Variants in SMG6 observed in about 807,000 individuals in gnomAD.
SMG6 encodes the protein telomerase-binding protein EST1A.
In SMG6, 66 loss-of-function variants were observed where a neutral mutation model predicts 142.2. That is an observed-to-expected ratio of 0.46 (90% CI 0.38 to 0.57). The LOEUF (loss-of-function observed/expected upper bound fraction) is 0.57, where lower values mean the gene tolerates loss of function less well. Among genes scored for constraint, SMG6 ranks in the 20% least tolerant of loss-of-function variants. SMG6 has a pLI of 0.00. For synonymous variants in SMG6, 779 were observed against 702.4 expected, an observed-to-expected ratio of 1.11 and a Z score of -1.72; for missense variants, 1,793 against 1,832.0, an observed-to-expected ratio of 0.98 and a Z score of 0.39.
chr17:2,255,367 G>C (rs1347631276), intron 8 of SMG6, among the ~76,000 whole-genome samples: 16 of 122,314 alleles, frequency 1.3e-4, no homozygotes, highest in Non-Finnish European at 1.3e-4. Context: ...TCGCGCCACT[G>C]CACTCCAGCC....
At chr17:2,120,852 T>TG (rs2069666736) in intron 13 of SMG6, among the ~76,000 whole-genome samples, 1 of 152,156 alleles carries the variant, frequency 6.6e-6, no homozygotes, top group Non-Finnish European at 1.5e-5. Flanking sequence ...TCATAATTGT[T>TG]GGAGTCTAAC....
At chr17:2,064,165 C>T (rs761682804) in intron 18 of SMG6, among the ~76,000 whole-genome samples, 6 of 152,028 alleles carry the variant, frequency 3.9e-5, no homozygotes, top group Non-Finnish European at 7.4e-5. Context: ...GCAGCAGAGA[C>T]GGAAAGGCAA....
Position 2,228,231 on chromosome 17 carries a change from C to CT in SMG6, c.2869+8260dup, listed in dbSNP as rs368168145. ...GGCATATGCCACTGCGCCCAGCTAACTTTTTTTTTTTGAGACGGAGCCTCA... is the reference window on the plus strand; with the variant it reads ...GGCATATGCCACTGCGCCCAGCTAACTTTTTTTTTTTTGAGACGGAGCCTCA... On this transcript the variant is annotated intron_variant, in intron 10 of 18. Transcript: ENST00000263073. Among the ~76,000 whole-genome samples the CT allele has an allele frequency of 7.9e-3, 1,159 of 146,500 alleles. 24 individuals carry two copies. Among genetic ancestry groups the CT allele is most frequent in the African/African-American group, 0.027 (1,079 of 40,180 alleles).
chr17:2,236,694 C>T (rs2073665143), intron 9 of SMG6, 57 bp from the exon 10 acceptor site: 1 of 1,531,708 alleles, frequency 6.5e-7, no homozygotes, highest in Admixed American at 1.8e-5. Context: ...CTCTCTCTCA[C>T]TCTGTCTCAC....
chr17:2,108,312 G>A (rs2069209762), intron 13 of SMG6, among the ~76,000 whole-genome samples: 1 of 152,138 alleles, frequency 6.6e-6, no homozygotes, highest in African/African-American at 2.4e-5. Context: ...AACACATATT[G>A]AAACTTTCAT....
At chr17:2,169,554 G>A (rs376571452) in intron 13 of SMG6, among the ~76,000 whole-genome samples, 7 of 152,162 alleles carry the variant, frequency 4.6e-5, no homozygotes, top group Non-Finnish European at 8.8e-5. Context: ...GCACACAGCC[G>A]AGTACAGAGT....
At chr17:2,275,810 G>A (rs1464981144) in intron 8 of SMG6, among the ~76,000 whole-genome samples, 1 of 152,160 alleles carries the variant, frequency 6.6e-6, no homozygotes, top group Non-Finnish European at 1.5e-5. Context: ...ATCTCAATAG[G>A]ATGCTACTTG....
At chr17:2,180,476 G>A (rs1281354173) in intron 12 of SMG6, among the ~76,000 whole-genome samples, 1 of 152,134 alleles carries the variant, frequency 6.6e-6, no homozygotes, top group Admixed American at 6.5e-5. Context: ...GTGCCACAGC[G>A]AGGGAAGGCA....
chr17:2,193,899 T>A (rs1236569667), intron 10 of SMG6, among the ~76,000 whole-genome samples: 1 of 152,194 alleles, frequency 6.6e-6, no homozygotes, highest in African/African-American at 2.4e-5. Context: ...GGTACAACTG[T>A]GGCTCAGTGC....
At chr17:2,158,583 T>A (rs923133853) in intron 13 of SMG6, among the ~76,000 whole-genome samples, 1 of 152,122 alleles carries the variant, frequency 6.6e-6, no homozygotes, top group Admixed American at 6.6e-5. Flanking sequence ...TCTAGAGTAT[T>A]TGAAACAGTT....
chr17:2,277,172 ATTTT>A (rs764360988), intron 8 of SMG6, among the ~76,000 whole-genome samples: 33 of 50,298 alleles, frequency 6.6e-4, no homozygotes, highest in South Asian at 1.8e-3. Flanking sequence ...TTTATTTTTT[ATTTT>A]TTTTTTTTTT....
intron 12 of SMG6, among the ~76,000 whole-genome samples, chr17:2,178,088 T>A (rs1002147005): frequency 2.0e-5 from 3 of 152,170 alleles, no homozygotes; most frequent in African/African-American, 7.2e-5. Context: ...ATACCCGGGC[T>A]TGAAATGGCT....
chr17:2,270,197 T>C (rs1325124853), intron 8 of SMG6, among the ~76,000 whole-genome samples: 2 of 151,920 alleles, frequency 1.3e-5, no homozygotes, highest in Admixed American at 1.3e-4. Context: ...ATCTCCGAAG[T>C]CCAGTAGCAA....
At chr17:2,207,213 A>C (rs556379759) in intron 10 of SMG6, among the ~76,000 whole-genome samples, 2 of 151,946 alleles carry the variant, frequency 1.3e-5, no homozygotes, top group African/African-American at 2.4e-5. Context: ...ACTTGAACTC[A>C]GGAAGCAGTG....
At chr17:2,255,834 T>C (rs747897312) in intron 8 of SMG6, 58 of 231,104 alleles carry the variant, frequency 2.5e-4, no homozygotes, top group Non-Finnish European at 5.9e-5. Context: ...TTTTGTTCTG[T>C]ACTAAGAAAA....
intron 4 of SMG6, 77 bp downstream of exon 4, chr17:2,297,166 G>A (rs2075160835): frequency 9.9e-7 from 1 of 1,005,094 alleles, no homozygotes; most frequent in Admixed American, 2.1e-5. Context: ...CCAGTACAGT[G>A]TCTAGCACAT....
intron 13 of SMG6, among the ~76,000 whole-genome samples, chr17:2,103,954 C>CTTT (rs572734238): frequency 7.1e-6 from 1 of 141,828 alleles, no homozygotes; most frequent in Non-Finnish European, 1.6e-5. Flanking sequence ...TCAACACATT[C>CTTT]TTTTTTTTTT....
Position 2,073,527 on chromosome 17 carries a change from C to T in SMG6, c.3682-4596G>A, listed in dbSNP as rs992206351. 1.1e-4 allele frequency among the ~76,000 whole-genome samples: 16 copies of T among 149,284 alleles called. No individual in the cohort carries two copies. In the South Asian group the frequency reaches 2.3e-3, roughly 22 times the overall value. ...AGTTCGAGACCAGCCTGGCCAACATCGCGGAACCCCGTCTCTACTAAAAAT... is the reference window on the plus strand; with the variant it reads ...AGTTCGAGACCAGCCTGGCCAACATTGCGGAACCCCGTCTCTACTAAAAAT... On this transcript the variant is annotated intron_variant, in intron 15 of 18. Transcript: ENST00000263073.
intron 8 of SMG6, among the ~76,000 whole-genome samples, chr17:2,245,958 A>C (rs1358656437): frequency 6.6e-6 from 1 of 152,212 alleles, no homozygotes; most frequent in African/African-American, 2.4e-5. Context: ...GGGATCACAG[A>C]GGTGAGAGTC....
Sources: gnomAD v4.1 joint callset for allele counts (sites outside exome capture counted in the v4.1 genomes callset) on GRCh38, gnomAD v4.1.1 for gene constraint, MANE v1.5 for transcripts, NCBI Gene and HGNC (gene_info 2026-07-23, HGNC 2026-07-21) for gene names.